The following SSTR1 variants were observed in gnomAD, a reference collection of about 807,000 sequenced individuals.
SSTR1 encodes somatostatin receptor type 1.
A neutral mutation model predicts 20.7 loss-of-function variants in SSTR1; 10 were observed. The observed-to-expected ratio is 0.48, with a 90% CI of 0.30 to 0.82. The LOEUF (loss-of-function observed/expected upper bound fraction) is 0.82. Among genes scored for constraint, SSTR1 ranks in the 40% least tolerant of loss-of-function variants. The pLI is 0.07. For missense variants in SSTR1, 494 were observed against 540.0 expected (o/e 0.91, Z 0.84); for synonymous variants, 267 against 227.8 (o/e 1.17, Z -1.55).
Position 38,209,289 on chromosome 14 carries a change from G to A in SSTR1, c.-101G>A, listed in dbSNP as rs1343231202. The A allele has an allele frequency of 7.4e-7, 1 of 1,350,352 alleles. No individual in the cohort carries two copies. The highest frequency in any genetic ancestry group is 9.6e-7 in the Non-Finnish European group (1 of 1,046,104). 83.6% of individuals were successfully genotyped at this position (1,350,352 alleles called of 1,614,324 possible). A position where few individuals can be genotyped will look rare whatever the true frequency, so the allele number is the denominator to read the frequency against. On this transcript the variant is annotated 5_prime_UTR_variant, in exon 3 of 3. An upstream open reading frame in the 5' UTR gains an earlier in-frame stop. Transcript: ENST00000267377. ...TACCCGGAGGCGCTGGGCGGCTGTGGGCTGCAGGCAAGCGGTCGGGTGGGG... is the reference window on the plus strand; with the variant it reads ...TACCCGGAGGCGCTGGGCGGCTGTGAGCTGCAGGCAAGCGGTCGGGTGGGG...
Position 38,210,660 on chromosome 14 carries a change from A to G in SSTR1, c.*95A>G. On this transcript the variant is annotated 3_prime_UTR_variant, in exon 3 of 3. Transcript: ENST00000267377. ...GAAGGGAAGGCCGGGTGCGAAAGGG[A>G]CGGTATCCAGGGCGCCAGGGTGCTG... 1 of 1,465,148 alleles carries G rather than the reference A, an allele frequency of 6.8e-7. No homozygotes were observed. The highest frequency in any genetic ancestry group is 9.0e-7 in the Non-Finnish European group (1 of 1,108,800). The allele number at this position is 1,465,148 out of a possible 1,614,324, so 90.8% of individuals were successfully genotyped here.
rs1303641383 is a variant in SSTR1 at position 38,212,258 on chromosome 14, C to T, written c.*1693C>T. ...GGACATATGTATACTTATCTTGCTCCATTGTCATGAGTCCATGAGTCTAAG... is the reference window on the plus strand; with the variant it reads ...GGACATATGTATACTTATCTTGCTCTATTGTCATGAGTCCATGAGTCTAAG... On this transcript the variant is annotated 3_prime_UTR_variant, in exon 3 of 3. Transcript: ENST00000267377. 1 of 166,904 alleles carries T rather than the reference C, an allele frequency of 6.0e-6. No homozygotes were observed. The highest frequency in any genetic ancestry group is 1.5e-5 in the Non-Finnish European group (1 of 68,100). 10.3% of individuals were successfully genotyped at this position (166,904 alleles called of 1,614,324 possible).
rs201818591 is a variant in SSTR1 at position 38,210,140 on chromosome 14, C to T, written c.751C>T (p.Arg251Cys). The T allele has an allele frequency of 1.1e-4, 183 of 1,614,106 alleles. No individual in the cohort carries two copies. The highest frequency in any genetic ancestry group is 5.1e-6 in the Non-Finnish European group (6 of 1,180,050). Residue 251 changes from arginine (R) to cysteine (C), a missense_variant, in exon 3 of 3, where the codon CGC becomes TGC. This residue lies in a region of SSTR1 where 280 missense variants were observed against 286.1 expected (regional missense o/e 0.98). Coordinates refer to ENST00000267377, the MANE Select transcript of SSTR1 (RefSeq NM_001049.3). ...CTACGTGCTCATCATTGCTAAGATG[C>T]GCATGGTGGCCCTCAAGGCCGGCTG... ...LCYVLIIAKM[R>C]MVALKAGWQQ... is the part of the protein sequence containing the mutation.
Position 38,209,540 on chromosome 14 carries a change from T to C in SSTR1, c.151T>C (p.Leu51=). The C allele has an allele frequency of 6.2e-7, 1 of 1,601,192 alleles. No homozygotes were observed. The highest frequency in any genetic ancestry group is 8.5e-7 in the Non-Finnish European group (1 of 1,171,868). The change falls in exon 3 of 3, where the codon TTG becomes CTG. Residue 51 remains leucine, a synonymous_variant. Transcript: ENST00000267377. ...GCGAAATGCGTCCCAGAACGGGACC[T>C]TGAGCGAGGGCCAGGGCAGCGCCAT... The part of the protein sequence containing the change: ...PGRNASQNGT[L]SEGQGSAILI...
rs971164518 is a variant in SSTR1 at position 38,211,079 on chromosome 14, G to A, written c.*514G>A. ...CAGGTTCTGTCTGGTGCCCCTACTG[G>A]AGTCCCGGGAATGACCGCTCTCCCT... is the stretch of plus-strand genomic sequence containing the variant. On this transcript the variant is annotated 3_prime_UTR_variant, in exon 3 of 3. Transcript: ENST00000267377. 1 of 169,036 alleles carries A rather than the reference G, an allele frequency of 5.9e-6. No homozygotes were observed. The highest frequency in any genetic ancestry group is 1.4e-5 in the Non-Finnish European group (1 of 69,848). The allele number at this position is 169,036 out of a possible 1,614,324, so 10.5% of individuals were successfully genotyped here.
Position 38,209,609 on chromosome 14 carries a change from T to C in SSTR1, c.220T>C (p.Cys74Arg). The part of the protein sequence containing the change: ...IYSVVCLVGL[C>R]GNSMVIYVIL... The stretch of plus-strand genomic sequence containing the variant: ...CTCCGTGGTGTGCCTGGTGGGGCTG[T>C]GTGGGAACTCTATGGTCATCTACGT... Residue 74 changes from cysteine (C) to arginine (R), a missense_variant, in exon 3 of 3, where the codon TGT becomes CGT. Physicochemically the swap from Cys to Arg is radical, Grantham distance 180. Transcript: ENST00000267377. 6.2e-7 allele frequency: 1 copy of C among 1,613,972 alleles called. No homozygotes were observed. The highest frequency in any genetic ancestry group is 8.5e-7 in the Non-Finnish European group (1 of 1,179,994).
In SSTR1 at chr14:38,209,219, C is replaced by T. The variant is rs1883272237; in HGVS notation, c.-171C>T. On this transcript the variant is annotated 5_prime_UTR_variant, in exon 3 of 3. Coordinates refer to ENST00000267377, the MANE Select transcript of SSTR1 (RefSeq NM_001049.3). ...CCAGGCAACCGCTGGGCTGTGCGCC[C>T]CGCCGGCGCCGGTAGGAGCCGCGCT... 1 of 813,698 alleles carries T rather than the reference C, an allele frequency of 1.2e-6. No homozygotes were observed. Among genetic ancestry groups the T allele is most frequent in the Non-Finnish European group, 1.7e-6 (1 of 583,406 alleles). 50.4% of individuals were successfully genotyped at this position (813,698 alleles called of 1,614,324 possible). A position where few individuals can be genotyped will look rare whatever the true frequency, so the allele number is the denominator to read the frequency against.
rs748233191 is a variant in SSTR1, at chr14:38,210,615, C to CCCGGGCCACG, written c.*51_*52insCGGGCCACGC. 192 of 1,517,582 alleles carry CCCGGGCCACG rather than the reference C, an allele frequency of 1.3e-4. No individual in the cohort carries two copies. Among genetic ancestry groups the CCCGGGCCACG allele is most frequent in the Admixed American group, 1.1e-3 (49 of 43,028 alleles). 94.0% of individuals were successfully genotyped at this position (1,517,582 alleles called of 1,614,324 possible). The stretch of plus-strand genomic sequence containing the variant: ...GCCCGGGCCACGCAGGGGCCCTGAG[C>CCCGGGCCACG]CAAAAGAGGGGGAGAATGAGAAGGG... On this transcript the variant is annotated 3_prime_UTR_variant, in exon 3 of 3. Transcript: ENST00000267377.
Position 38,210,036 on chromosome 14 carries a change from C to G in SSTR1, c.647C>G (p.Ala216Gly), listed in dbSNP as rs1220085223. 6.2e-7 allele frequency: 1 copy of G among 1,614,210 alleles called. No homozygotes were observed. The highest frequency in any genetic ancestry group is 1.7e-5 in the Admixed American group (1 of 60,036). The change falls in exon 3 of 3, where the codon GCT (alanine) becomes GGT (glycine). Residue 216 changes from alanine to glycine, a missense_variant. Around this residue, in one of 3 missense-constraint regions of SSTR1, gnomAD observed 280 missense variants for 286.1 expected, o/e 0.98. Coordinates refer to ENST00000267377, the MANE Select transcript of SSTR1 (RefSeq NM_001049.3). ...VACNMLMPEP[A>G]QRWLVGFVLY... ...TGCAACATGCTCATGCCAGAGCCCGCTCAACGCTGGCTGGTGGGCTTCGTG... is the reference window on the plus strand; with the variant it reads ...TGCAACATGCTCATGCCAGAGCCCGGTCAACGCTGGCTGGTGGGCTTCGTG...
Position 38,210,079 on chromosome 14 carries a change from G to A in SSTR1, c.690G>A (p.Met230Ile). 6.2e-7 allele frequency: 1 copy of A among 1,614,206 alleles called. No individual in the cohort carries two copies. The highest frequency in any genetic ancestry group is 1.1e-5 in the South Asian group (1 of 91,088). The change falls in exon 3 of 3, where the codon ATG becomes ATA. Residue 230 changes from methionine (M) to isoleucine (I), a missense_variant. Physicochemically the swap from Met to Ile is conservative, Grantham distance 10. This residue lies in a region of SSTR1 where 280 missense variants were observed against 286.1 expected (regional missense o/e 0.98). Transcript: ENST00000267377. ...GCTTCGTGTTGTACACATTTCTCAT[G>A]GGCTTCCTGCTGCCCGTGGGGGCTA... Reference protein sequence around the residue: ...LVGFVLYTFLMGFLLPVGAIC... With the variant: ...LVGFVLYTFLIGFLLPVGAIC...
chr14:38,210,867 AT>A lies in SSTR1; in HGVS notation c.*306del. ...CGCTTACTCCTCTGACCCTCCTTCTATTTTCCCTACCCTGCAACTTCTATCC... is the reference window on the plus strand; with the variant it reads ...CGCTTACTCCTCTGACCCTCCTTCTATTTCCCTACCCTGCAACTTCTATCC... On this transcript the variant is annotated 3_prime_UTR_variant, in exon 3 of 3. Coordinates refer to ENST00000267377, the MANE Select transcript of SSTR1 (RefSeq NM_001049.3). The A allele has an allele frequency of 2.2e-6, 1 of 447,128 alleles. No individual in the cohort carries two copies. Among genetic ancestry groups the A allele is most frequent in the Non-Finnish European group, 3.9e-6 (1 of 259,074 alleles). The allele number at this position is 447,128 out of a possible 1,614,324, so 27.7% of individuals were successfully genotyped here.
At position 38,210,840 on chromosome 14, in the gene SSTR1, T is replaced by A; in HGVS notation, c.*275T>A. ...TCCCACTTTCTGTTCCTTCCTCCACTGCGCTTACTCCTCTGACCCTCCTTC... is the reference window on the plus strand; with the variant it reads ...TCCCACTTTCTGTTCCTTCCTCCACAGCGCTTACTCCTCTGACCCTCCTTC... On this transcript the variant is annotated 3_prime_UTR_variant, in exon 3 of 3. Transcript: ENST00000267377. 1 of 637,164 alleles carries A rather than the reference T, an allele frequency of 1.6e-6. No individual in the cohort carries two copies. Among genetic ancestry groups the A allele is most frequent in the Non-Finnish European group, 2.5e-6 (1 of 401,510 alleles). The allele number at this position is 637,164 out of a possible 1,614,324, so 39.5% of individuals were successfully genotyped here.
Position 38,209,158 on chromosome 14 carries a change from T to G in SSTR1, c.-232T>G. On this transcript the variant is annotated 5_prime_UTR_variant, in exon 3 of 3. Transcript: ENST00000267377. ...CTGGCCTCTCCTCTCCACGGTCGCC[T>G]GTGCCCGGGCACCCCGGAGCTGCAA... 1 of 439,370 alleles carries G rather than the reference T, an allele frequency of 2.3e-6. No homozygotes were observed. The highest frequency in any genetic ancestry group is 3.7e-5 in the East Asian group (1 of 27,348). The allele number at this position is 439,370 out of a possible 1,614,324, so 27.2% of individuals were successfully genotyped here.
chr14:38,210,023 A>G lies in SSTR1; in HGVS notation c.634A>G (p.Met212Val). 1 of 1,614,200 alleles carries G rather than the reference A, an allele frequency of 6.2e-7. No individual in the cohort carries two copies. The highest frequency in any genetic ancestry group is 8.5e-7 in the Non-Finnish European group (1 of 1,180,052). ...CGGCACGGTGGCTTGCAACATGCTC[A>G]TGCCAGAGCCCGCTCAACGCTGGCT... ...SDGTVACNML[M>V]PEPAQRWLVG... Residue 212 changes from methionine (M) to valine (V), a missense_variant, in exon 3 of 3, where the codon ATG becomes GTG. Coordinates refer to ENST00000267377, the MANE Select transcript of SSTR1 (RefSeq NM_001049.3).
In SSTR1 at chr14:38,210,749, A is replaced by G; in HGVS notation, c.*184A>G. 7.2e-7 allele frequency: 1 copy of G among 1,386,760 alleles called. No homozygotes were observed. Among genetic ancestry groups the G allele is most frequent in the Non-Finnish European group, 9.5e-7 (1 of 1,050,314 alleles). The allele number at this position is 1,386,760 out of a possible 1,614,324, so 85.9% of individuals were successfully genotyped here. The stretch of plus-strand genomic sequence containing the variant: ...TGGAGGAACCCAAGAAAGGCGCGCG[A>G]CAATGGTAGAAGTGAGAGCTTTGCT... On this transcript the variant is annotated 3_prime_UTR_variant, in exon 3 of 3. Transcript: ENST00000267377.
chr14:38,210,640 G>C lies in SSTR1; in HGVS notation c.*75G>C. ...CCAAAAGAGGGGGAGAATGAGAAGG[G>C]AAGGCCGGGTGCGAAAGGGACGGTA... On this transcript the variant is annotated 3_prime_UTR_variant, in exon 3 of 3. Transcript: ENST00000267377. The C allele has an allele frequency of 7.2e-7, 1 of 1,384,620 alleles. No homozygotes were observed. Among genetic ancestry groups the C allele is most frequent in the South Asian group, 1.4e-5 (1 of 69,128 alleles). The allele number at this position is 1,384,620 out of a possible 1,614,324, so 85.8% of individuals were successfully genotyped here. A position where few individuals can be genotyped will look rare whatever the true frequency, so the allele number is the denominator to read the frequency against.
Position 38,210,673 on chromosome 14 carries a change from C to T in SSTR1, c.*108C>T. On this transcript the variant is annotated 3_prime_UTR_variant, in exon 3 of 3. Coordinates refer to ENST00000267377, the MANE Select transcript of SSTR1 (RefSeq NM_001049.3). Reference sequence around the variant, plus strand: ...GGTGCGAAAGGGACGGTATCCAGGGCGCCAGGGTGCTGTCGGGATAACGTG... The same window carrying T: ...GGTGCGAAAGGGACGGTATCCAGGGTGCCAGGGTGCTGTCGGGATAACGTG... 6.9e-7 allele frequency: 1 copy of T among 1,455,694 alleles called. No homozygotes were observed. The highest frequency in any genetic ancestry group is 9.1e-7 in the Non-Finnish European group (1 of 1,103,544). The allele number at this position is 1,455,694 out of a possible 1,614,324, so 90.2% of individuals were successfully genotyped here. A position where few individuals can be genotyped will look rare whatever the true frequency, so the allele number is the denominator to read the frequency against.
rs776439602 is a variant in SSTR1 at position 38,210,031 on chromosome 14, G to A, written c.642G>A (p.Glu214=). ...TGGCTTGCAACATGCTCATGCCAGA[G>A]CCCGCTCAACGCTGGCTGGTGGGCT... ...GTVACNMLMP[E]PAQRWLVGFV... is the part of the protein sequence containing the mutation. Residue 214 remains glutamate, a synonymous_variant, in exon 3 of 3, where the codon GAG becomes GAA. Transcript: ENST00000267377. 1 of 1,614,198 alleles carries A rather than the reference G, an allele frequency of 6.2e-7. No individual in the cohort carries two copies. Among genetic ancestry groups the A allele is most frequent in the South Asian group, 1.1e-5 (1 of 91,086 alleles).
At position 38,210,438 on chromosome 14, in the gene SSTR1, C is replaced by T. The variant is rs756543872; in HGVS notation, c.1049C>T (p.Pro350Leu). The T allele has an allele frequency of 6.2e-7, 1 of 1,614,150 alleles. No individual in the cohort carries two copies. Among genetic ancestry groups the T allele is most frequent in the East Asian group, 2.2e-5 (1 of 44,858 alleles). ...TGGATGGACAACGCCGCGGAGGAGC[C>T]GGTTGACTATTACGCCACCGCGCTC... ...LSWMDNAAEEPVDYYATALKS... is the reference protein window; with the variant it reads ...LSWMDNAAEELVDYYATALKS... The change falls in exon 3 of 3, where the codon CCG (proline) becomes CTG (leucine). Residue 350 changes from proline (P) to leucine (L), a missense_variant. Around this residue, in one of 3 missense-constraint regions of SSTR1, gnomAD observed 280 missense variants for 286.1 expected, o/e 0.98. Transcript: ENST00000267377.
Sources: allele counts gnomAD v4.1 joint callset, GRCh38; gene constraint gnomAD v4.1.1; regional missense constraint gnomAD v4.1.1; transcripts MANE v1.5; gene names NCBI Gene and HGNC (gene_info 2026-07-23, HGNC 2026-07-21).